SDK2: variants seen among roughly 807,000 people sequenced by gnomAD.
SDK2 encodes the protein sidekick cell adhesion molecule 2, also known as protein sidekick-2.
In SDK2, 105 loss-of-function variants were observed where a neutral mutation model predicts 253.9. That is an observed-to-expected ratio of 0.41 (90% CI 0.35 to 0.49). SDK2 has a LOEUF of 0.49. SDK2 is among the 20% of genes least tolerant of loss of function. The pLI, the probability that SDK2 is intolerant of heterozygous loss-of-function variation, is 0.06. For missense variants in SDK2, 2,608 were observed against 3,003.0 expected, an observed-to-expected ratio of 0.87 and a Z score of 3.07; for synonymous variants, 1,249 against 1,234.9, an observed-to-expected ratio of 1.01 and a Z score of -0.24.
chr17:73,589,706 C>A (rs1599706046), intron 1 of SDK2, among the ~76,000 whole-genome samples: 1 of 152,228 alleles, frequency 6.6e-6, no homozygotes, highest in African/African-American at 2.4e-5. Context: ...CAGGCTGGAA[C>A]CCAAAGTGGG....
chr17:73,435,340 T>C lies in SDK2; in HGVS notation c.1195+110A>G. The C allele has an allele frequency of 8.9e-7, 1 of 1,122,784 alleles. No individual in the cohort carries two copies. Among genetic ancestry groups the C allele is most frequent in the Non-Finnish European group, 1.2e-6 (1 of 807,862 alleles). 69.6% of individuals were successfully genotyped at this position (1,122,784 alleles called of 1,614,324 possible). A position where few individuals can be genotyped will look rare whatever the true frequency, so the allele number is the denominator to read the frequency against. ...CAGCAGGCGGCCTTTGGGGATCCTA[T>C]CTGCTTAATGGAACGTGCTATGCAC... On this transcript the variant is annotated intron_variant, in intron 9 of 44. Transcript: ENST00000392650. The surrounding 1 kb of genome is among the most constrained non-coding windows in gnomAD (Gnocchi z 5.7).
Position 73,478,421 on chromosome 17 carries a change from G to A in SDK2, c.225-6203C>T, listed in dbSNP as rs886975370. On this transcript the variant is annotated intron_variant, in intron 2 of 44. Transcript: ENST00000392650. ...GAGCACCTCAGGGGCTGGGCTTGGGGCTGGGGGCAGAAAGAGGGCAGTGAA... is the reference window on the plus strand; with the variant it reads ...GAGCACCTCAGGGGCTGGGCTTGGGACTGGGGGCAGAAAGAGGGCAGTGAA... Among the ~76,000 whole-genome samples, 27 of 152,172 alleles carry A rather than the reference G, an allele frequency of 1.8e-4. 1 individual carries two copies. The highest frequency in any genetic ancestry group is 2.9e-5 in the Non-Finnish European group (2 of 68,036).
intron 1 of SDK2, among the ~76,000 whole-genome samples, chr17:73,550,967 A>C (rs567852916): frequency 1.5e-3 from 230 of 152,190 alleles, no homozygotes; most frequent in African/African-American, 5.0e-3. Flanking sequence ...TCCCTTGCCT[A>C]CCTCCTGTCT....
rs757794209 is a variant in SDK2, at chr17:73,401,098, T to C, written c.2893A>G (p.Thr965Ala). The change falls in exon 21 of 45, where the codon ACC (threonine) becomes GCC (alanine). Residue 965 changes from threonine (T) to alanine (A), a missense_variant. By Grantham distance (58) the Thr-to-Ala change is moderately conservative. This residue lies in a region of SDK2 where 1,505 missense variants were observed against 1,859.1 expected (regional missense o/e 0.81). Transcript: ENST00000392650. ...GAGGTCATGGCGGCCACCTCGATGG[T>C]GTAGGTGGTGAGCGCGGTGAGGCCC... is the stretch of plus-strand genomic sequence containing the variant. The part of the protein sequence containing the change: ...VTGLTALTTY[T>A]IEVAAMTSKG... 2 of 1,567,216 alleles carry C rather than the reference T, an allele frequency of 1.3e-6. No homozygotes were observed. Among genetic ancestry groups the C allele is most frequent in the East Asian group, 4.7e-5 (2 of 42,236 alleles).
intron 25 of SDK2, among the ~76,000 whole-genome samples, chr17:73,394,757 C>G (rs1450984055): frequency 1.3e-5 from 2 of 152,186 alleles, no homozygotes; most frequent in Admixed American, 1.3e-4. Flanking sequence ...CCTGGGCAGG[C>G]CCCCAGGAGC....
chr17:73,547,778 G>A (rs776524242), intron 1 of SDK2, among the ~76,000 whole-genome samples: 15 of 152,208 alleles, frequency 9.9e-5, no homozygotes, highest in East Asian at 1.9e-4. Context: ...CAGATCTGCT[G>A]AAGTGTTCTT....
chr17:73,370,073 G>A (rs1452367255), intron 36 of SDK2, among the ~76,000 whole-genome samples: 1 of 152,268 alleles, frequency 6.6e-6, no homozygotes, highest in South Asian at 2.1e-4. Flanking sequence ...GCCCCCTGCT[G>A]GCCAATGAGG....
intron 1 of SDK2, chr17:73,520,013 C>T (rs547987264): frequency 6.6e-6 from 1 of 152,368 alleles, no homozygotes; most frequent in African/African-American, 2.4e-5. Flanking sequence ...CACCTCTGTG[C>T]TTTATCATAA....
At chr17:73,365,694 G>A (rs1199080937) in intron 37 of SDK2, among the ~76,000 whole-genome samples, 1 of 152,190 alleles carries the variant, frequency 6.6e-6, no homozygotes, top group Non-Finnish European at 1.5e-5. Flanking sequence ...CGGGCTATGA[G>A]TGTGGGACAA....
chr17:73,437,955 C>G lies in SDK2; in HGVS notation c.916+9G>C. 1 of 1,552,956 alleles carries G rather than the reference C, an allele frequency of 6.4e-7. No individual in the cohort carries two copies. The highest frequency in any genetic ancestry group is 2.4e-5 in the East Asian group (1 of 41,124). ...TCAGGGGAGCCCTAGCAGCCCCACC[C>G]TCTCTCACCCAGCACTGAGAGGTAG... On this transcript the variant is annotated intron_variant, in intron 7 of 44. Transcript: ENST00000392650.
intron 1 of SDK2, among the ~76,000 whole-genome samples, chr17:73,568,808 C>T (rs757605344): frequency 2.0e-5 from 3 of 152,070 alleles, no homozygotes; most frequent in Non-Finnish European, 4.4e-5. Flanking sequence ...GTTAAACAGG[C>T]GACTGCAGAA....
chr17:73,566,806 G>C (rs1452250468), intron 1 of SDK2, among the ~76,000 whole-genome samples: 1 of 151,620 alleles, frequency 6.6e-6, no homozygotes, highest in East Asian at 1.9e-4. Flanking sequence ...ATGTGGCCTG[G>C]GTGCTTCTAA....
chr17:73,614,675 GA>G (rs1270174877), intron 1 of SDK2, among the ~76,000 whole-genome samples: 1 of 47,326 alleles, frequency 2.1e-5, no homozygotes, highest in African/African-American at 1.0e-4. Context: ...AAGGGGGAGG[GA>G]GGGGGACAAA....
At chr17:73,464,383 C>T (rs1281655975) in intron 3 of SDK2, among the ~76,000 whole-genome samples, 1 of 152,202 alleles carries the variant, frequency 6.6e-6, no homozygotes, top group Non-Finnish European at 1.5e-5. Flanking sequence ...TAAGATGTGG[C>T]TTTGCTCCTC....
Position 73,511,723 on chromosome 17 carries a change from C to T in SDK2, c.65-4126G>A, listed in dbSNP as rs912184768. Reference sequence around the variant, plus strand: ...CTGGATACAGGGATCCTGGGAGGGACGCCCTACCTAGGACTCTGAGCAGTG... The same window carrying T: ...CTGGATACAGGGATCCTGGGAGGGATGCCCTACCTAGGACTCTGAGCAGTG... On this transcript the variant is annotated intron_variant, in intron 1 of 44. Coordinates refer to ENST00000392650, the MANE Select transcript of SDK2 (RefSeq NM_001144952.2). The surrounding 1 kb of genome is among the most constrained non-coding windows in gnomAD (Gnocchi z 4.9). Among the ~76,000 whole-genome samples, 4 of 152,192 alleles carry T rather than the reference C, an allele frequency of 2.6e-5. No homozygotes were observed. Among genetic ancestry groups the T allele is most frequent in the African/African-American group, 4.8e-5 (2 of 41,454 alleles).
intron 1 of SDK2, among the ~76,000 whole-genome samples, chr17:73,608,215 C>T (rs749411818): frequency 5.3e-5 from 8 of 151,990 alleles, no homozygotes; most frequent in Non-Finnish European, 1.0e-4. Flanking sequence ...GGGTGCTGGT[C>T]GGGTCCTTTG....
rs976498250 is a variant in SDK2 at position 73,467,398 on chromosome 17, T to C, written c.331+4714A>G. Reference sequence around the variant, plus strand: ...ACCCGGCCGAGCCTCGGTTTCCTCATCTGTAACATGGAGATGGGGACTTGC... The same window carrying C: ...ACCCGGCCGAGCCTCGGTTTCCTCACCTGTAACATGGAGATGGGGACTTGC... On this transcript the variant is annotated intron_variant, in intron 3 of 44. Coordinates refer to ENST00000392650, the MANE Select transcript of SDK2 (RefSeq NM_001144952.2). The surrounding 1 kb of genome is among the most constrained non-coding windows in gnomAD (Gnocchi z 4.1). Among the ~76,000 whole-genome samples, 4 of 152,102 alleles carry C rather than the reference T, an allele frequency of 2.6e-5. No homozygotes were observed. The highest frequency in any genetic ancestry group is 9.7e-5 in the African/African-American group (4 of 41,420).
At chr17:73,397,948 C>CAGACTCTTTTTATT in intron 24 of SDK2, 87 bp downstream of exon 24, 1 of 1,410,622 alleles carries the variant, frequency 7.1e-7, no homozygotes, top group Non-Finnish European at 9.7e-7. Context: ...GAGAAAGGAG[C>CAGACTCTTTTTATT]TGTAGGAATT....
chr17:73,435,391 A>T lies in SDK2; in HGVS notation c.1195+59T>A. Reference sequence around the variant, plus strand: ...AAGAGGCCCCTCGGAAGACCTTGGAAGAAAGCTGCGTCCTGGGAAGAGGGG... The same window carrying T: ...AAGAGGCCCCTCGGAAGACCTTGGATGAAAGCTGCGTCCTGGGAAGAGGGG... On this transcript the variant is annotated intron_variant, in intron 9 of 44. Coordinates refer to ENST00000392650, the MANE Select transcript of SDK2 (RefSeq NM_001144952.2). This position sits in a 1 kb window ranked among gnomAD's most constrained non-coding sequence, Gnocchi z 5.7. The T allele has an allele frequency of 2.0e-6, 3 of 1,484,102 alleles. No homozygotes were observed. The highest frequency in any genetic ancestry group is 2.7e-6 in the Non-Finnish European group (3 of 1,101,810). The allele number at this position is 1,484,102 out of a possible 1,614,324, so 91.9% of individuals were successfully genotyped here. A position where few individuals can be genotyped will look rare whatever the true frequency, so the allele number is the denominator to read the frequency against.
Sources: gnomAD v4.1 joint callset for allele counts (sites outside exome capture counted in the v4.1 genomes callset) on GRCh38, gnomAD v4.1.1 for gene constraint, gnomAD v4.1.1 regional missense constraint, Gnocchi (gnomAD v3.1) non-coding constraint, MANE v1.5 for transcripts, NCBI Gene and HGNC (gene_info 2026-07-23, HGNC 2026-07-21) for gene names.